VAT1L: variants seen among roughly 807,000 people sequenced by gnomAD.
The protein encoded by VAT1L is vesicle amine transport 1 like.
Under a neutral mutation model 44.1 loss-of-function variants are expected in VAT1L, and 34 were observed. The observed-to-expected ratio is 0.77, with a 90% confidence interval of 0.59 to 1.03. The LOEUF (loss-of-function observed/expected upper bound fraction) is 1.03. Among genes scored for constraint, VAT1L ranks in the 50% least tolerant of loss-of-function variants. The pLI, the probability that VAT1L is intolerant of heterozygous loss-of-function variation, is 0.00. For missense variants in VAT1L, 615 were observed against 538.8 expected (o/e 1.14, Z -1.40); for synonymous variants, 253 against 202.2 (o/e 1.25, Z -2.13).
chr16:77,858,061 T>C (rs1206151852), intron 3 of VAT1L, among the ~76,000 whole-genome samples: 3 of 152,216 alleles, frequency 2.0e-5, no homozygotes, highest in South Asian at 4.1e-4. Flanking sequence ...ACATTTACTA[T>C]GTGCCAGGTT....
chr16:77,879,808 A>G lies in VAT1L; in HGVS notation c.882+584A>G, dbSNP rs555635434. On this transcript the variant is annotated intron_variant, in intron 6 of 8. Coordinates refer to ENST00000302536, the MANE Select transcript of VAT1L (RefSeq NM_020927.3). The surrounding 1 kb of genome is among the most constrained non-coding windows in gnomAD (Gnocchi z 4.1). ...TGCTTAAGTGTTGGTGTCTTTAATT[A>G]TTGGTCAAAAATGAACTTAGCATTA... Among the ~76,000 whole-genome samples, 1 of 152,314 alleles carries G rather than the reference A, an allele frequency of 6.6e-6. No individual in the cohort carries two copies. The highest frequency in any genetic ancestry group is 2.1e-4 in the South Asian group (1 of 4,828).
At chr16:77,971,381 C>T (rs1234448345) in intron 7 of VAT1L, among the ~76,000 whole-genome samples, 1 of 152,130 alleles carries the variant, frequency 6.6e-6, no homozygotes, top group Non-Finnish European at 1.5e-5. Context: ...TAACCAGAAT[C>T]GTGAGAATTT....
intron 7 of VAT1L, among the ~76,000 whole-genome samples, chr16:77,907,312 G>C (rs977023290): frequency 2.0e-5 from 3 of 152,204 alleles, no homozygotes; most frequent in African/African-American, 7.2e-5. Context: ...GATTCCACCA[G>C]GCACAGAGCT....
At chr16:77,856,272 G>C (rs1240894340) in intron 3 of VAT1L, among the ~76,000 whole-genome samples, 1 of 152,164 alleles carries the variant, frequency 6.6e-6, no homozygotes, top group Non-Finnish European at 1.5e-5. Context: ...GGCTGGAGGA[G>C]TAGACAGTAT....
At chr16:77,789,164 G>A (rs534425002) in intron 1 of VAT1L, among the ~76,000 whole-genome samples, 2 of 152,276 alleles carry the variant, frequency 1.3e-5, no homozygotes, top group East Asian at 1.9e-4. Flanking sequence ...GAATGCTGGC[G>A]CCCAGGCACC....
intron 1 of VAT1L, among the ~76,000 whole-genome samples, chr16:77,798,251 C>G (rs141725199): frequency 8.5e-5 from 13 of 152,328 alleles, no homozygotes; most frequent in African/African-American, 1.2e-4. Context: ...CCTTTCTTAA[C>G]CTGGCACTAG....
chr16:77,959,458 T>C (rs2018138725), intron 7 of VAT1L, among the ~76,000 whole-genome samples: 1 of 152,238 alleles, frequency 6.6e-6, no homozygotes, highest in Non-Finnish European at 1.5e-5. Flanking sequence ...GAGGAATATC[T>C]CACAGATGAC....
intron 7 of VAT1L, among the ~76,000 whole-genome samples, chr16:77,950,186 A>C (rs893486239): frequency 6.6e-5 from 10 of 152,176 alleles, no homozygotes; most frequent in Non-Finnish European, 1.5e-4. Flanking sequence ...AGGCAGGTGG[A>C]TGCCTTGAGG....
intron 7 of VAT1L, among the ~76,000 whole-genome samples, chr16:77,970,160 C>T (rs981387767): frequency 6.6e-6 from 1 of 151,540 alleles, no homozygotes; most frequent in Non-Finnish European, 1.5e-5. Flanking sequence ...TGCTTGAGAC[C>T]AGGAGGTCAA....
intron 7 of VAT1L, among the ~76,000 whole-genome samples, chr16:77,897,792 C>T (rs1404677094): frequency 6.6e-6 from 1 of 152,160 alleles, no homozygotes; most frequent in Non-Finnish European, 1.5e-5. Flanking sequence ...GGTTTCTTAA[C>T]CCTTCCACTT....
chr16:77,804,635 C>G (rs957309234), intron 1 of VAT1L, among the ~76,000 whole-genome samples: 13 of 152,184 alleles, frequency 8.5e-5, no homozygotes, highest in Non-Finnish European at 1.0e-4. Flanking sequence ...TTCAGCCATG[C>G]TGGCCATCAT....
Position 77,834,111 on chromosome 16 carries a change from C to A in VAT1L, c.579+8650C>A, listed in dbSNP as rs17774303. ...GTCACTTCCTGTTGCGAATCCACAG[C>A]GGCTCCCATTGTTCTCAGGACAAGT... On this transcript the variant is annotated intron_variant, in intron 3 of 8. Transcript: ENST00000302536. 7.9e-3 allele frequency among the ~76,000 whole-genome samples: 1,202 copies of A among 152,288 alleles called. 11 individuals are homozygous for A. The highest frequency in any genetic ancestry group is 0.018 in the East Asian group (95 of 5,176).
intron 7 of VAT1L, among the ~76,000 whole-genome samples, chr16:77,970,469 T>C (rs1376763958): frequency 6.6e-6 from 1 of 152,232 alleles, no homozygotes; most frequent in Non-Finnish European, 1.5e-5. Context: ...TGCATGTCAG[T>C]TCTCATTTAG....
chr16:77,921,185 C>G (rs1418339677), intron 7 of VAT1L, among the ~76,000 whole-genome samples: 1 of 152,178 alleles, frequency 6.6e-6, no homozygotes, highest in African/African-American at 2.4e-5. Flanking sequence ...CATCATGGGG[C>G]TGGGCAAGGA....
chr16:77,844,632 C>T (rs901870610), intron 3 of VAT1L, among the ~76,000 whole-genome samples: 3 of 151,770 alleles, frequency 2.0e-5, no homozygotes, highest in African/African-American at 7.3e-5. Flanking sequence ...TGGTCTCAAA[C>T]TCCTGACCTC....
intron 3 of VAT1L, among the ~76,000 whole-genome samples, chr16:77,841,790 C>T (rs34068226): frequency 0.26 from 39,253 of 152,038 alleles, 5,183 homozygotes; most frequent in East Asian, 0.36. Flanking sequence ...CGAGTCTCAA[C>T]TGGTGCAAGG....
At chr16:77,799,555 G>A (rs1288481615) in intron 1 of VAT1L, among the ~76,000 whole-genome samples, 3 of 129,720 alleles carry the variant, frequency 2.3e-5, no homozygotes, top group Non-Finnish European at 5.1e-5. Context: ...GTGTGTGTGT[G>A]TGGTGTGTAT....
intron 3 of VAT1L, among the ~76,000 whole-genome samples, chr16:77,828,020 G>A (rs1038100754): frequency 3.9e-5 from 6 of 152,162 alleles, no homozygotes; most frequent in African/African-American, 1.2e-4. Context: ...TCTCTCAGAC[G>A]GGCTGGTCTC....
intron 4 of VAT1L, among the ~76,000 whole-genome samples, chr16:77,867,087 G>A (rs906638340): frequency 1.3e-5 from 2 of 152,160 alleles, no homozygotes; most frequent in Non-Finnish European, 2.9e-5. Flanking sequence ...CTGTGCACCT[G>A]AGACAATCCT....
Sources: allele counts gnomAD v4.1 joint callset (sites outside exome capture counted in the v4.1 genomes callset), GRCh38; gene constraint gnomAD v4.1.1; non-coding constraint Gnocchi (gnomAD v3.1); transcripts MANE v1.5; gene names NCBI Gene and HGNC (gene_info 2026-07-23, HGNC 2026-07-21).